PKHD1: variants seen among roughly 807,000 people sequenced by gnomAD.
PKHD1 encodes PKHD1 ciliary IPT domain containing fibrocystin/polyductin, also known as fibrocystin.
In PKHD1, 291 loss-of-function variants were observed where a neutral mutation model predicts 412.0. The observed-to-expected ratio is 0.71, with a 90% CI of 0.64 to 0.78. The LOEUF (loss-of-function observed/expected upper bound fraction) is 0.78, where lower values mean the gene tolerates loss of function less well. PKHD1 is among the 30% of genes least tolerant of loss of function. PKHD1 has a pLI of 0.00. For synonymous variants in PKHD1, 1,777 were observed against 1,821.5 expected (o/e 0.98, Z 0.62); for missense variants, 4,825 against 4,950.7 (o/e 0.97, Z 0.76).
chr6:51,770,674 T>A (rs1338831446), intron 55 of PKHD1, among the ~76,000 whole-genome samples: 1 of 151,890 alleles, frequency 6.6e-6, no homozygotes, highest in Non-Finnish European at 1.5e-5. Flanking sequence ...ATGGTTTCTT[T>A]CATTTTTTTC....
chr6:51,724,732 T>C (rs1331417438), intron 60 of PKHD1, among the ~76,000 whole-genome samples: 1 of 152,216 alleles, frequency 6.6e-6, no homozygotes, highest in Non-Finnish European at 1.5e-5. Context: ...CATAATTAAG[T>C]TAAGGATCTT....
chr6:51,928,490 T>A (rs1281257848), intron 37 of PKHD1, among the ~76,000 whole-genome samples: 1 of 151,952 alleles, frequency 6.6e-6, no homozygotes, highest in Non-Finnish European at 1.5e-5. Context: ...AAGTTTCCCA[T>A]GAAATCACAG....
chr6:52,053,936 C>T, intron 20 of PKHD1, 102 bp downstream of exon 20: 2 of 1,250,230 alleles, frequency 1.6e-6, no homozygotes, highest in Non-Finnish European at 2.3e-6. Context: ...GTATGAGGCC[C>T]AAATATAAGA....
At chr6:51,708,424 A>G (rs1780259821) in intron 60 of PKHD1, among the ~76,000 whole-genome samples, 1 of 152,200 alleles carries the variant, frequency 6.6e-6, no homozygotes, top group Admixed American at 6.5e-5. Flanking sequence ...TCTGCAACAC[A>G]GTCAGAATAC....
At chr6:51,824,226 C>T (rs765375517) in intron 52 of PKHD1, among the ~76,000 whole-genome samples, 4 of 151,878 alleles carry the variant, frequency 2.6e-5, no homozygotes, top group Admixed American at 6.6e-5. Context: ...GTAAATCCAC[C>T]TCAAAAGAAA....
intron 48 of PKHD1, among the ~76,000 whole-genome samples, chr6:51,866,030 T>TAA (rs11383038): frequency 5.4e-4 from 82 of 151,800 alleles, no homozygotes; most frequent in African/African-American, 1.7e-3. Flanking sequence ...TCTGCATTTC[T>TAA]AAAAAAAATC....
intron 48 of PKHD1, among the ~76,000 whole-genome samples, chr6:51,861,211 C>T (rs1391579883): frequency 1.3e-5 from 2 of 152,204 alleles, no homozygotes; most frequent in Non-Finnish European, 2.9e-5. Context: ...ATACTAGTTA[C>T]TTAAAGAGTT....
rs771577952 is a variant in PKHD1, at chr6:51,830,887, G to A, written c.8276C>T (p.Pro2759Leu). The A allele has an allele frequency of 2.5e-6, 4 of 1,612,840 alleles. No homozygotes were observed. The highest frequency in any genetic ancestry group is 3.4e-6 in the Non-Finnish European group (4 of 1,179,104). The change falls in exon 52 of 67, where the codon CCT (proline) becomes CTT (leucine). Residue 2759 changes from proline to leucine, a missense_variant. By Grantham distance (98) the Pro-to-Leu change is moderately conservative. Coordinates refer to ENST00000371117, the MANE Select transcript of PKHD1 (RefSeq NM_138694.4). ...WGGYNNTIPG[P>L]GDDVLILPNR... ...GGGTAAAATGAGAACGTCATCCCCA[G>A]GGCCTGGAATGGTATTGTTGTATCC...
At position 52,025,315 on chromosome 6, in the gene PKHD1, G is replaced by C. The variant is rs1801983916; in HGVS notation, c.4495C>G (p.Leu1499Val). Residue 1499 changes from leucine to valine, a missense_variant, in exon 32 of 67, where the codon CTG becomes GTG. Physicochemically the swap from Leu to Val is conservative, Grantham distance 32. Transcript: ENST00000371117. ...TGACCCCTAATCAGCACAGTGGTCA[G>C]AGACCCACTGGTGTTTGTGGACAAG... ...DALSTNTSGS[L>V]TTVLIRGQRL... The C allele has an allele frequency of 6.2e-7, 1 of 1,613,956 alleles. No homozygotes were observed. Among genetic ancestry groups the C allele is most frequent in the Non-Finnish European group, 8.5e-7 (1 of 1,180,016 alleles).
intron 40 of PKHD1, among the ~76,000 whole-genome samples, chr6:51,906,591 G>A (rs557635121): frequency 8.6e-5 from 13 of 151,920 alleles, no homozygotes; most frequent in Non-Finnish European, 1.8e-4. Flanking sequence ...GACAAAGTAT[G>A]TCTAAACAAT....
In PKHD1 at chr6:51,638,836, T is replaced by A; in HGVS notation, c.11506+13A>T. On this transcript the variant is annotated intron_variant, in intron 64 of 66. Transcript: ENST00000371117. The stretch of plus-strand genomic sequence containing the variant: ...AAAAAAACACAGAATAAAAGCACAC[T>A]GTATAAAATTACCTGGAGGAGAAGT... 2.2e-6 allele frequency: 3 copies of A among 1,355,300 alleles called. No homozygotes were observed. Among genetic ancestry groups the A allele is most frequent in the Non-Finnish European group, 3.2e-6 (3 of 950,450 alleles). The allele number at this position is 1,355,300 out of a possible 1,614,324, so 84.0% of individuals were successfully genotyped here.
chr6:51,757,176 C>A (rs1298922239), intron 55 of PKHD1, among the ~76,000 whole-genome samples: 1 of 152,058 alleles, frequency 6.6e-6, no homozygotes, highest in Non-Finnish European at 1.5e-5. Flanking sequence ...CCTAGACAAT[C>A]TTTTTATTAT....
chr6:51,898,271 T>A (rs1314397405), intron 43 of PKHD1, among the ~76,000 whole-genome samples: 5 of 147,476 alleles, frequency 3.4e-5, no homozygotes, highest in African/African-American at 1.2e-4. Context: ...GAAGTAAAGC[T>A]CTCCTCAGCA....
chr6:51,722,487 G>GTGA (rs1192285320), intron 60 of PKHD1, among the ~76,000 whole-genome samples: 1 of 152,156 alleles, frequency 6.6e-6, no homozygotes, highest in African/African-American at 2.4e-5. Context: ...CCTAAACTCT[G>GTGA]TGAGCATTGG....
At chr6:51,827,998 G>A (rs1767610181) in intron 52 of PKHD1, among the ~76,000 whole-genome samples, 1 of 152,060 alleles carries the variant, frequency 6.6e-6, no homozygotes, top group South Asian at 2.1e-4. Flanking sequence ...AAGCATGTGT[G>A]ATAAGATTAA....
Position 51,659,414 on chromosome 6 carries a change from A to G in PKHD1, c.10712T>C (p.Val3571Ala), listed in dbSNP as rs1435018274. The change falls in exon 61 of 67, where the codon GTC becomes GCC. Residue 3571 changes from valine (V) to alanine (A), a missense_variant. Physicochemically the swap from Val to Ala is moderately conservative, Grantham distance 64. Transcript: ENST00000371117. ...TACTATTTCCCAGCCTTTTTCTAAG[A>G]CTGAAACCATCACAGTGAGGGCCAA... ...IHLALTVMVS[V>A]LEKGWEIVIL... 1 of 1,613,494 alleles carries G rather than the reference A, an allele frequency of 6.2e-7. No individual in the cohort carries two copies. Among genetic ancestry groups the G allele is most frequent in the Non-Finnish European group, 8.5e-7 (1 of 1,179,780 alleles).
chr6:51,764,170 AG>A, intron 55 of PKHD1, among the ~76,000 whole-genome samples: 1 of 146,974 alleles, frequency 6.8e-6, no homozygotes, highest in East Asian at 2.0e-4. Flanking sequence ...CTCATCTGAC[AG>A]AGGGCTAATA....
chr6:51,791,149 C>T, intron 53 of PKHD1, 87 bp downstream of exon 53: 1 of 1,371,110 alleles, frequency 7.3e-7, no homozygotes, highest in Non-Finnish European at 1.0e-6. Context: ...GTTAAGCAAC[C>T]TGCTTGATGA....
intron 27 of PKHD1, among the ~76,000 whole-genome samples, chr6:52,040,014 T>C (rs1320752816): frequency 6.6e-6 from 1 of 152,174 alleles, no homozygotes; most frequent in East Asian, 1.9e-4. Flanking sequence ...AAAGGTCACA[T>C]GTTGCATTAT....
Sources: gnomAD v4.1 joint callset for allele counts (sites outside exome capture counted in the v4.1 genomes callset) on GRCh38, gnomAD v4.1.1 for gene constraint, MANE v1.5 for transcripts, NCBI Gene and HGNC (gene_info 2026-07-23, HGNC 2026-07-21) for gene names.